Variants in SUGCT observed in about 807,000 individuals in gnomAD.
SUGCT encodes the protein succinyl-CoA:glutarate CoA-transferase.
A neutral mutation model predicts 55.0 loss-of-function variants in SUGCT; 41 were observed. The observed-to-expected ratio is 0.74, with a 90% CI of 0.58 to 0.97. The LOEUF (loss-of-function observed/expected upper bound fraction) is 0.97. Ranked by LOEUF, SUGCT falls within the 50% of genes least tolerant of loss-of-function variation. The pLI, the probability that SUGCT is intolerant of heterozygous loss-of-function variation, is 0.00. For synonymous variants in SUGCT, 187 were observed against 200.4 expected (o/e 0.93, Z 0.56); for missense variants, 568 against 547.8 (o/e 1.04, Z -0.37).
At chr7:40,332,754 G>C (rs1419941776) in intron 9 of SUGCT, among the ~76,000 whole-genome samples, 1 of 152,172 alleles carries the variant, frequency 6.6e-6, no homozygotes, top group African/African-American at 2.4e-5. Context: ...TGAGCTCTGT[G>C]TGTAGTGAAT....
At chr7:40,898,353 C>T in the SUGCT span, among the ~76,000 whole-genome samples, 2,497 of 152,206 alleles carry the variant, frequency 0.016, 58 homozygotes, top group African/African-American at 0.057. Flanking sequence ...TCTGCGGCTT[C>T]GCTCCTGAAG....
At chr7:40,491,418 G>T (rs1185133858) in intron 11 of SUGCT, among the ~76,000 whole-genome samples, 1 of 152,182 alleles carries the variant, frequency 6.6e-6, no homozygotes, top group Non-Finnish European at 1.5e-5. Flanking sequence ...TTAGCCAAGG[G>T]TGTGAGTTCT....
At chr7:40,675,629 T>G (rs1254972047) in intron 12 of SUGCT, among the ~76,000 whole-genome samples, 1 of 151,526 alleles carries the variant, frequency 6.6e-6, no homozygotes, top group Non-Finnish European at 1.5e-5. Context: ...ATGAAGGAGG[T>G]ATGGGAGTTG....
intron 12 of SUGCT, among the ~76,000 whole-genome samples, chr7:40,567,368 T>C (rs1796208486): frequency 6.6e-6 from 1 of 152,246 alleles, no homozygotes; most frequent in African/African-American, 2.4e-5. Flanking sequence ...AACCATTTTG[T>C]GGTCTGCAAT....
chr7:40,744,433 C>T (rs1787627544), intron 12 of SUGCT, among the ~76,000 whole-genome samples: 1 of 152,152 alleles, frequency 6.6e-6, no homozygotes, highest in Admixed American at 6.6e-5. Flanking sequence ...ATTTTCTTTC[C>T]CCACTAAAGT....
chr7:40,609,992 T>C (rs553294060), intron 12 of SUGCT, among the ~76,000 whole-genome samples: 6 of 152,356 alleles, frequency 3.9e-5, no homozygotes, highest in African/African-American at 1.4e-4. Flanking sequence ...CTTGGTATTA[T>C]AGGTGCCATG....
chr7:40,798,382 T>G (rs896752391), intron 13 of SUGCT, among the ~76,000 whole-genome samples: 2 of 152,160 alleles, frequency 1.3e-5, no homozygotes, highest in Non-Finnish European at 2.9e-5. Flanking sequence ...CTCCTTTTTG[T>G]GAGATCCTTT....
At chr7:40,153,681 T>A (rs1788702631) in intron 1 of SUGCT, 1 of 513,566 alleles carries the variant, frequency 1.9e-6, no homozygotes, top group Non-Finnish European at 3.9e-6. Flanking sequence ...TACTTAATGT[T>A]TTCACGTTAT....
chr7:40,344,127 T>A (rs1797193250), intron 9 of SUGCT, among the ~76,000 whole-genome samples: 1 of 152,234 alleles, frequency 6.6e-6, no homozygotes, highest in African/African-American at 2.4e-5. Context: ...ATTTCTTCCT[T>A]GCTGAAACTT....
At chr7:40,489,829 C>A (rs966602095) in intron 11 of SUGCT, among the ~76,000 whole-genome samples, 3 of 152,140 alleles carry the variant, frequency 2.0e-5, no homozygotes, top group African/African-American at 7.2e-5. Flanking sequence ...TTATTTTGTC[C>A]GTTTGGTGAT....
intron 13 of SUGCT, among the ~76,000 whole-genome samples, chr7:40,760,622 C>CA (rs1479227706): frequency 6.6e-6 from 1 of 152,160 alleles, no homozygotes; most frequent in Non-Finnish European, 1.5e-5. Flanking sequence ...TCAGCTACAA[C>CA]AAAAATATGA....
At chr7:41,020,669 TG>T in the SUGCT span, among the ~76,000 whole-genome samples, 1 of 152,224 alleles carries the variant, frequency 6.6e-6, no homozygotes, top group African/African-American at 2.4e-5. Flanking sequence ...TCCCACACCC[TG>T]GGTAGTGATG....
the SUGCT span, among the ~76,000 whole-genome samples, chr7:41,034,573 T>C: frequency 6.6e-6 from 1 of 152,210 alleles, no homozygotes; most frequent in African/African-American, 2.4e-5. Flanking sequence ...TGCACCAGGC[T>C]GAGGGTAATT....
intron 4 of SUGCT, 113 bp downstream of exon 4, chr7:40,188,693 A>G (rs962203791): frequency 3.4e-6 from 2 of 588,438 alleles, no homozygotes; most frequent in African/African-American, 3.9e-5. Flanking sequence ...AGATGTAACT[A>G]ATATTTCAAA....
intron 12 of SUGCT, among the ~76,000 whole-genome samples, chr7:40,674,557 G>C (rs573103502): frequency 1.0e-3 from 159 of 152,296 alleles, no homozygotes; most frequent in African/African-American, 3.8e-3. Flanking sequence ...AAAGAACCTG[G>C]ACGGGGACCA....
chr7:40,147,754 G>A (rs765685136), intron 1 of SUGCT, among the ~76,000 whole-genome samples: 3 of 152,178 alleles, frequency 2.0e-5, no homozygotes, highest in Non-Finnish European at 2.9e-5. Context: ...GGGGCGGGGC[G>A]GACCTCCTCA....
Position 40,497,024 on chromosome 7 carries a change from T to C in SUGCT, c.1089+638T>C, listed in dbSNP as rs142934845. Among the ~76,000 whole-genome samples the C allele has an allele frequency of 5.4e-3, 815 of 152,290 alleles. 12 individuals carry two copies. Among genetic ancestry groups the C allele is most frequent in the African/African-American group, 0.018 (760 of 41,568 alleles). On this transcript the variant is annotated intron_variant, in intron 12 of 13. Coordinates refer to ENST00000335693, the MANE Select transcript of SUGCT (RefSeq NM_001193313.2). The stretch of plus-strand genomic sequence containing the variant: ...CTTTATAACATTGTTCAAGTGATTA[T>C]TTTTAGATTATGTGAAAATAATGTT...
chr7:40,198,803 C>G (rs975509312), intron 6 of SUGCT, among the ~76,000 whole-genome samples: 3 of 151,730 alleles, frequency 2.0e-5, no homozygotes, highest in Admixed American at 2.0e-4. Context: ...TCAAGACCAG[C>G]CTGACCAACA....
intron 9 of SUGCT, among the ~76,000 whole-genome samples, chr7:40,389,066 G>C (rs1054047202): frequency 6.6e-6 from 1 of 152,162 alleles, no homozygotes; most frequent in South Asian, 2.1e-4. Flanking sequence ...GTAAGAAAGA[G>C]TATTTGTTTG....
Sources: allele counts gnomAD v4.1 joint callset (sites outside exome capture counted in the v4.1 genomes callset), GRCh38; gene constraint gnomAD v4.1.1; transcripts MANE v1.5; gene names NCBI Gene and HGNC (gene_info 2026-07-23, HGNC 2026-07-21).